ITIH6: variants seen among roughly 807,000 people sequenced by gnomAD.
ITIH6 encodes the protein inter-alpha-trypsin inhibitor heavy chain H6.
Under a neutral mutation model 58.2 loss-of-function variants are expected in ITIH6, and 60 were observed. That is an observed-to-expected ratio of 1.03 (90% confidence interval 0.84 to 1.28). The LOEUF is 1.28. Among genes scored for constraint, ITIH6 ranks in the 50% most tolerant of loss-of-function variants. The pLI is 0.00. For synonymous variants in ITIH6, 493 were observed against 417.4 expected, an observed-to-expected ratio of 1.18 and a Z score of -2.21; for missense variants, 1,290 against 1,021.1, an observed-to-expected ratio of 1.26 and a Z score of -3.59.
rs201631698 is a variant in ITIH6 at position 54,791,016 on chromosome X, A to G, written c.437T>C (p.Leu146Pro). The G allele has an allele frequency of 1.6e-4, 195 of 1,210,622 alleles. No individual in the cohort carries two copies. In the South Asian group the frequency reaches 3.0e-3, roughly 18 times the overall value. Reference sequence around the variant, plus strand: ...CCGCTGAAGCAGTTCCTCATAGGCCAGGGAAAAAGTCACCTCTGTGCCTGC... The same window carrying G: ...CCGCTGAAGCAGTTCCTCATAGGCCGGGGAAAAAGTCACCTCTGTGCCTGC... ...LAAGTEVTFS[L>P]AYEELLQRHQ... The change falls in exon 4 of 13, where the codon CTG (leucine) becomes CCG (proline). Residue 146 changes from leucine to proline, a missense_variant. Transcript: ENST00000218436.
chrX:54,763,445 A>G (rs1303464104), intron 6 of ITIH6, among the ~76,000 whole-genome samples: 2 of 111,928 alleles, frequency 1.8e-5, no homozygotes, highest in African/African-American at 6.5e-5. Context: ...TTAATCTCCA[A>G]TTACTTTGAG....
chrX:54,788,735 T>C (rs1426641522), intron 4 of ITIH6, 86 bp from the exon 5 acceptor site: 13 of 767,703 alleles, frequency 1.7e-5, no homozygotes, highest in Non-Finnish European at 2.3e-5. Context: ...CAAAGGGTGC[T>C]ATCTGGGGAG....
intron 6 of ITIH6, among the ~76,000 whole-genome samples, chrX:54,761,541 G>C (rs1928645219): frequency 9.0e-6 from 1 of 111,264 alleles, no homozygotes; most frequent in South Asian, 3.8e-4. Flanking sequence ...GTATTGCCTA[G>C]GTTTTCTTCT....
At chrX:54,782,214 C>T (rs1156885861) in intron 5 of ITIH6, among the ~76,000 whole-genome samples, 2 of 110,735 alleles carry the variant, frequency 1.8e-5, no homozygotes, top group East Asian at 2.8e-4. Context: ...GTAAGGAGTT[C>T]GAGATCAGCC....
Position 54,751,151 on chromosome X carries a change from T to C in ITIH6, c.3582A>G (p.Ala1194=). The C allele has an allele frequency of 3.3e-6, 4 of 1,210,976 alleles. No individual in the cohort carries two copies. Among genetic ancestry groups the C allele is most frequent in the Non-Finnish European group, 4.5e-6 (4 of 895,046 alleles). The change falls in exon 12 of 13, where the codon GCA becomes GCG. Residue 1194 remains alanine (A), a synonymous_variant. Transcript: ENST00000218436. ...RPQLELYVAA[A]ARLTLRLGPY... The stretch of plus-strand genomic sequence containing the variant: ...GCCCAAGGCGGAGGGTAAGGCGGGC[T>C]GCAGCAGCCACATAGAGCTCCAGCT...
chrX:54,760,955 A>C (rs866566289), intron 6 of ITIH6, among the ~76,000 whole-genome samples: 10,446 of 111,178 alleles, frequency 0.094, 1,242 homozygotes, highest in African/African-American at 0.33. Context: ...ATATACCCAG[A>C]AATGGGATGG....
chrX:54,764,547 A>T (rs1290706915), intron 6 of ITIH6, among the ~76,000 whole-genome samples: 5 of 106,137 alleles, frequency 4.7e-5, no homozygotes, highest in African/African-American at 1.7e-4. Context: ...ACTGAGAATG[A>T]TGGTTTCCAA....
rs771046588 is a variant in ITIH6 at position 54,751,215 on chromosome X, C to A, written c.3518G>T (p.Arg1173Leu). The change falls in exon 12 of 13, where the codon CGC becomes CTC. Residue 1173 changes from arginine (R) to leucine (L), a missense_variant. Coordinates refer to ENST00000218436, the MANE Select transcript of ITIH6 (RefSeq NM_198510.3). ...CAGGGCAGGTTGGTCCCAGGACAGGCGCAAGGTACCCTCGCCTCGCAAAGA... is the reference window on the plus strand; with the variant it reads ...CAGGGCAGGTTGGTCCCAGGACAGGAGCAAGGTACCCTCGCCTCGCAAAGA... ...SISLRGEGTL[R>L]LSWDQPALLK... 1 of 1,210,148 alleles carries A rather than the reference C, an allele frequency of 8.3e-7. No homozygotes were observed. Among genetic ancestry groups the A allele is most frequent in the African/African-American group, 1.7e-5 (1 of 57,266 alleles).
intron 5 of ITIH6, among the ~76,000 whole-genome samples, chrX:54,774,405 G>A (rs1929015032): frequency 8.9e-6 from 1 of 112,742 alleles, no homozygotes; most frequent in South Asian, 3.6e-4. Context: ...CTTCATCCCG[G>A]GGCCTGCCCC....
At chrX:54,762,521 A>C (rs1471196605) in intron 6 of ITIH6, among the ~76,000 whole-genome samples, 9 of 111,214 alleles carry the variant, frequency 8.1e-5, no homozygotes, top group Non-Finnish European at 1.1e-4. Context: ...TTCCAGTTTA[A>C]CTCCATAAAC....
At chrX:54,759,639 G>A in intron 7 of ITIH6, 117 bp downstream of exon 7, 2 of 564,324 alleles carry the variant, frequency 3.5e-6, no homozygotes, top group Non-Finnish European at 2.8e-6. Context: ...GTGAAATGTG[G>A]TCTTGATATT....
At chrX:54,771,999 A>T (rs1270227600) in intron 6 of ITIH6, among the ~76,000 whole-genome samples, 1 of 112,143 alleles carries the variant, frequency 8.9e-6, no homozygotes, top group Non-Finnish European at 1.9e-5. Context: ...ATTACTGGGT[A>T]TATACCCAAA....
rs1199680458 is a variant in ITIH6 at position 54,791,967 on chromosome X, T to C, written c.327A>G (p.Glu109=). 8.3e-7 allele frequency: 1 copy of C among 1,204,672 alleles called. No homozygotes were observed. The highest frequency in any genetic ancestry group is 1.7e-5 in the African/African-American group (1 of 57,147). Reference sequence around the variant, plus strand: ...CAGCTGTCTTTCCCTGCTGATGGGCTTCTTCATAGATTTTCTTTGCCTGGT... The same window carrying C: ...CAGCTGTCTTTCCCTGCTGATGGGCCTCTTCATAGATTTTCTTTGCCTGGT... ...EKHQAKKIYE[E]AHQQGKTAAH... The change falls in exon 3 of 13, where the codon GAA becomes GAG. Residue 109 remains glutamate, a synonymous_variant. Transcript: ENST00000218436.
Position 54,758,525 on chromosome X carries a change from C to T in ITIH6, c.1549G>A (p.Gly517Ser), listed in dbSNP as rs771906673. 8.3e-7 allele frequency: 1 copy of T among 1,211,177 alleles called. No homozygotes were observed. Among genetic ancestry groups the T allele is most frequent in the Non-Finnish European group, 1.1e-6 (1 of 895,331 alleles). ...GQVQPGKQEL[G>S]IHLAARGPKD... is the part of the protein sequence containing the mutation. ...GGGCCACGGGCTGCCAGGTGGATGC[C>T]CAGTTCCTGTTTGCCTGGCTGCACC... The change falls in exon 8 of 13, where the codon GGC becomes AGC. Residue 517 changes from glycine to serine, a missense_variant. Transcript: ENST00000218436.
At chrX:54,751,871 AT>A (rs1268658871) in intron 11 of ITIH6, among the ~76,000 whole-genome samples, 1 of 111,661 alleles carries the variant, frequency 9.0e-6, no homozygotes, top group Non-Finnish European at 1.9e-5. Flanking sequence ...GATTAGTGTC[AT>A]TGTTTGGCTT....
intron 5 of ITIH6, among the ~76,000 whole-genome samples, chrX:54,777,063 A>G (rs1157014313): frequency 1.8e-5 from 2 of 112,124 alleles, no homozygotes; most frequent in Non-Finnish European, 3.8e-5. Context: ...TAGGCCAGAG[A>G]AGAGCCTACT....
At chrX:54,761,362 A>G (rs1344581354) in intron 6 of ITIH6, among the ~76,000 whole-genome samples, 7 of 111,575 alleles carry the variant, frequency 6.3e-5, no homozygotes, top group African/African-American at 2.0e-4. Flanking sequence ...AATAGATTGC[A>G]AAAATTTTCT....
At chrX:54,772,209 G>T (rs2147612109) in intron 6 of ITIH6, among the ~76,000 whole-genome samples, 1 of 112,331 alleles carries the variant, frequency 8.9e-6, no homozygotes, top group Admixed American at 9.4e-5. Flanking sequence ...AACAGGGATG[G>T]GAACTGGAGG....
intron 6 of ITIH6, among the ~76,000 whole-genome samples, chrX:54,761,607 T>C (rs10481878): frequency 0.053 from 5,862 of 111,247 alleles, 412 homozygotes; most frequent in African/African-American, 0.18. Flanking sequence ...CTTGAATTAA[T>C]TTTTGTATAA....
Sources: gnomAD v4.1 joint callset for allele counts (sites outside exome capture counted in the v4.1 genomes callset) on GRCh38, gnomAD v4.1.1 for gene constraint, MANE v1.5 for transcripts, NCBI Gene and HGNC (gene_info 2026-07-23, HGNC 2026-07-21) for gene names.